The following WIPF3 variants were observed in gnomAD, a reference collection of about 807,000 sequenced individuals.
The protein encoded by WIPF3 is WAS/WASL interacting protein family member 3.
A neutral mutation model predicts 38.9 loss-of-function variants in WIPF3; 33 were observed. The ratio of observed to expected loss-of-function variants is 0.85; its 90% CI spans 0.64 to 1.14. The LOEUF is 1.14. WIPF3 is among the 50% of genes most tolerant of loss of function. The probability of loss-of-function intolerance (pLI) is 0.00; values close to 1 mark genes in which losing one functional copy is unlikely to be tolerated. For synonymous variants in WIPF3, 324 were observed against 269.3 expected, an observed-to-expected ratio of 1.20 and a Z score of -1.99; for missense variants, 711 against 652.5, an observed-to-expected ratio of 1.09 and a Z score of -0.98.
intron 4 of WIPF3, 30 bp from the exon 5 acceptor site, chr7:29,883,820 G>C: frequency 6.6e-7 from 1 of 1,511,086 alleles, no homozygotes. Flanking sequence ...CTTTATTGCC[G>C]AGCTAACCCA....
At chr7:29,849,211 A>G (rs1175985890) in intron 2 of WIPF3, among the ~76,000 whole-genome samples, 2 of 152,132 alleles carry the variant, frequency 1.3e-5, no homozygotes, top group Non-Finnish European at 2.9e-5. Context: ...CTCCTGCCCT[A>G]ATCGTTGAGT....
intron 2 of WIPF3, among the ~76,000 whole-genome samples, chr7:29,860,402 TAA>T (rs1280394240): frequency 6.6e-6 from 1 of 152,172 alleles, no homozygotes; most frequent in East Asian, 1.9e-4. Context: ...AGCTGGTTGT[TAA>T]AAAGAACCTG....
intron 7 of WIPF3, among the ~76,000 whole-genome samples, chr7:29,903,771 G>C (rs984322123): frequency 2.0e-5 from 3 of 152,192 alleles, no homozygotes; most frequent in African/African-American, 7.2e-5. Context: ...AATTGGGATT[G>C]GGGGAGGAAC....
chr7:29,886,543 G>T (rs1785886450), intron 5 of WIPF3, among the ~76,000 whole-genome samples: 1 of 151,726 alleles, frequency 6.6e-6, no homozygotes. Context: ...TTTTAGTAGA[G>T]ACAGGGTTTC....
At chr7:29,904,604 C>A (rs147801218) in intron 8 of WIPF3, 13 of 465,756 alleles carry the variant, frequency 2.8e-5, no homozygotes, top group Non-Finnish European at 5.0e-5. Flanking sequence ...GCAAGTTTAG[C>A]AACTCTGACA....
chr7:29,858,106 T>C (rs1161479872), intron 2 of WIPF3, among the ~76,000 whole-genome samples: 1 of 152,230 alleles, frequency 6.6e-6, no homozygotes, highest in African/African-American at 2.4e-5. Flanking sequence ...TACATAGCCA[T>C]ATTTTCTGCC....
chr7:29,895,192 C>T (rs939106861), intron 7 of WIPF3, among the ~76,000 whole-genome samples: 5 of 152,044 alleles, frequency 3.3e-5, no homozygotes, highest in Admixed American at 1.3e-4. Context: ...CCGCCCACCT[C>T]GGCAACTCAA....
intron 1 of WIPF3, among the ~76,000 whole-genome samples, chr7:29,817,693 G>A (rs1399074247): frequency 6.6e-6 from 1 of 151,820 alleles, no homozygotes; most frequent in Non-Finnish European, 1.5e-5. Context: ...CAGGCTCTCA[G>A]GTCTATTACC....
intron 1 of WIPF3, among the ~76,000 whole-genome samples, chr7:29,809,488 A>C (rs1784337675): frequency 6.6e-6 from 1 of 152,262 alleles, no homozygotes; most frequent in East Asian, 1.9e-4. Context: ...CGACAGCATG[A>C]CAAAACAAAC....
At chr7:29,865,829 C>G (rs1785376744) in intron 2 of WIPF3, among the ~76,000 whole-genome samples, 1 of 152,184 alleles carries the variant, frequency 6.6e-6, no homozygotes, top group Admixed American at 6.5e-5. Context: ...GTCTGTTGGA[C>G]TTTTCATGCA....
chr7:29,884,634 G>A (rs748072742), intron 5 of WIPF3, 41 bp downstream of exon 5: 10 of 1,562,936 alleles, frequency 6.4e-6, no homozygotes, highest in Non-Finnish European at 7.8e-6. Flanking sequence ...GGTGGAGTGC[G>A]ATAAAATCTC....
intron 8 of WIPF3, among the ~76,000 whole-genome samples, chr7:29,911,676 AT>A (rs1227705105): frequency 6.6e-6 from 1 of 152,202 alleles, no homozygotes; most frequent in Non-Finnish European, 1.5e-5. Context: ...AGACCATTCA[AT>A]AGGGAAAAGG....
chr7:29,901,177 G>GA (rs1290407094), intron 7 of WIPF3, among the ~76,000 whole-genome samples: 1 of 152,134 alleles, frequency 6.6e-6, no homozygotes, highest in Non-Finnish European at 1.5e-5. Context: ...TCCCAAGTGT[G>GA]AAAACCCCTG....
At position 29,916,712 on chromosome 7, in the gene WIPF3, C is replaced by CA. The variant is rs556516332; in HGVS notation, c.*2208dup. 1,594 of 133,998 alleles carry CA rather than the reference C, an allele frequency of 0.012. 16 individuals carry two copies. The highest frequency in any genetic ancestry group is 0.035 in the African/African-American group (1,293 of 36,874). The allele number at this position is 133,998 out of a possible 1,614,324, so 8.3% of individuals were successfully genotyped here. A position where few individuals can be genotyped will look rare whatever the true frequency, so the allele number is the denominator to read the frequency against. On this transcript the variant is annotated 3_prime_UTR_variant, in exon 9 of 9. Transcript: ENST00000242140. Reference sequence around the variant, plus strand: ...TGGGCAACAGAGCGAGACCCTAACTCAAAAAAAAAAAAGGACAGAGGGGAG... The same window carrying CA: ...TGGGCAACAGAGCGAGACCCTAACTCAAAAAAAAAAAAAGGACAGAGGGGAG...
At chr7:29,905,676 T>G (rs1390075368) in intron 8 of WIPF3, 2 of 152,052 alleles carry the variant, frequency 1.3e-5, no homozygotes, top group Non-Finnish European at 2.9e-5. Flanking sequence ...GTTCTCTGAT[T>G]GGTTATTGCT....
intron 4 of WIPF3, among the ~76,000 whole-genome samples, chr7:29,881,067 G>T (rs1029625870): frequency 2.0e-5 from 3 of 152,174 alleles, no homozygotes; most frequent in Admixed American, 1.3e-4. Flanking sequence ...CTCATCCGCA[G>T]GTGTCCACGT....
At chr7:29,832,576 G>C (rs1784738525) in intron 1 of WIPF3, among the ~76,000 whole-genome samples, 1 of 152,154 alleles carries the variant, frequency 6.6e-6, no homozygotes, top group Non-Finnish European at 1.5e-5. Flanking sequence ...AAGGAATGAG[G>C]CAGTAACACA....
At chr7:29,908,629 G>A (rs1786445087) in intron 8 of WIPF3, among the ~76,000 whole-genome samples, 1 of 152,188 alleles carries the variant, frequency 6.6e-6, no homozygotes, top group Non-Finnish European at 1.5e-5. Flanking sequence ...ATAGATATCA[G>A]GCCAGGCATG....
At position 29,884,023 on chromosome 7, in the gene WIPF3, C is replaced by G; in HGVS notation, c.529C>G (p.Pro177Ala). The change falls in exon 5 of 9, where the codon CCC (proline) becomes GCC (alanine). Residue 177 changes from proline (P) to alanine (A), a missense_variant. Transcript: ENST00000242140. Reference protein sequence around the residue: ...PRPNVPAPPPPTPPPPPPPLP... With the variant: ...PRPNVPAPPPATPPPPPPPLP... ...CCCCAACGTGCCTGCCCCGCCCCCT[C>G]CCACCCCACCCCCTCCGCCTCCACC... 1.5e-6 allele frequency: 2 copies of G among 1,321,982 alleles called. 1 individual carries two copies. Among genetic ancestry groups the G allele is most frequent in the South Asian group, 2.9e-5 (2 of 69,938 alleles). The allele number at this position is 1,321,982 out of a possible 1,614,324, so 81.9% of individuals were successfully genotyped here.
Sources: allele counts gnomAD v4.1 joint callset (sites outside exome capture counted in the v4.1 genomes callset), GRCh38; gene constraint gnomAD v4.1.1; transcripts MANE v1.5; gene names NCBI Gene and HGNC (gene_info 2026-07-23, HGNC 2026-07-21).